RGSL1: variants seen among roughly 807,000 people sequenced by gnomAD.
The protein encoded by RGSL1 is regulator of G protein signaling protein-like.
RGSL1 carries 97 observed loss-of-function variants against 124.7 expected under a neutral mutation model. That is an observed-to-expected ratio of 0.78 (90% CI 0.66 to 0.92). The LOEUF (loss-of-function observed/expected upper bound fraction) is 0.92. Among genes scored for constraint, RGSL1 ranks in the 40% least tolerant of loss-of-function variants. The pLI, the probability that RGSL1 is intolerant of heterozygous loss-of-function variation, is 0.00. For synonymous variants in RGSL1, 424 were observed against 438.1 expected (o/e 0.97, Z 0.40); for missense variants, 1,233 against 1,288.4 (o/e 0.96, Z 0.66).
chr1:182,450,429 G>A, intron 1 of RGSL1: 1 of 561,514 alleles, frequency 1.8e-6, no homozygotes. Context: ...GTAAAATGTG[G>A]ATTGGGCCAC....
At chr1:182,504,062 C>T (rs941954359) in intron 9 of RGSL1, among the ~76,000 whole-genome samples, 1 of 147,518 alleles carries the variant, frequency 6.8e-6, no homozygotes, top group Non-Finnish European at 1.5e-5. Context: ...CTCACTGCAA[C>T]CTCTGCCTCC....
chr1:182,460,581 T>C lies in RGSL1; in HGVS notation c.301+448T>C, dbSNP rs1221123834. 6 of 450,980 alleles carry C rather than the reference T, an allele frequency of 1.3e-5. No individual in the cohort carries two copies. In the East Asian group the frequency reaches 4.2e-4, roughly 31 times the overall value. 27.9% of individuals were successfully genotyped at this position (450,980 alleles called of 1,614,324 possible). A position where few individuals can be genotyped will look rare whatever the true frequency, so the allele number is the denominator to read the frequency against. On this transcript the variant is annotated intron_variant, in intron 4 of 21. Transcript: ENST00000294854. ...CTTACCTAGTTAATGAAATCATCTC[T>C]TAATTTGTCTCTTTGCTTTTGCTCT...
chr1:182,496,769 A>G (rs1263641665), intron 9 of RGSL1, among the ~76,000 whole-genome samples: 2 of 152,230 alleles, frequency 1.3e-5, no homozygotes, highest in African/African-American at 4.8e-5. Flanking sequence ...TCTAAAACAT[A>G]AAGAAGTCTA....
chr1:182,543,119 G>C (rs893118311), intron 15 of RGSL1, among the ~76,000 whole-genome samples: 2 of 152,058 alleles, frequency 1.3e-5, no homozygotes, highest in Non-Finnish European at 2.9e-5. Context: ...GGGCATCCTT[G>C]ACTTCTTCCA....
intron 1 of RGSL1, among the ~76,000 whole-genome samples, chr1:182,451,485 C>T (rs142655871): frequency 8.2e-4 from 94 of 115,292 alleles, no homozygotes; most frequent in African/African-American, 2.4e-3. Context: ...GCTGACTGTG[C>T]TTAAGAAAAC....
chr1:182,513,529 G>C (rs1469585232), intron 9 of RGSL1, among the ~76,000 whole-genome samples: 2 of 152,204 alleles, frequency 1.3e-5, no homozygotes, highest in African/African-American at 4.8e-5. Flanking sequence ...CCTTGTATGG[G>C]AGCAGTTAAA....
intron 2 of RGSL1, 47 bp downstream of exon 2, chr1:182,454,087 T>C: frequency 9.0e-7 from 1 of 1,109,746 alleles, no homozygotes; most frequent in Non-Finnish European, 1.3e-6. Flanking sequence ...AGCAGCTGAA[T>C]AGTGAATCTC....
At chr1:182,553,905 C>T (rs955058352) in intron 19 of RGSL1, among the ~76,000 whole-genome samples, 2 of 152,138 alleles carry the variant, frequency 1.3e-5, no homozygotes, top group African/African-American at 4.8e-5. Context: ...GTTACTTCCC[C>T]CTCACACTGA....
At position 182,460,946 on chromosome 1, in the gene RGSL1, G is replaced by T. The variant is rs983503874; in HGVS notation, c.301+813G>T. Among the ~76,000 whole-genome samples, 5 of 152,098 alleles carry T rather than the reference G, an allele frequency of 3.3e-5. 1 individual carries two copies. Among genetic ancestry groups the T allele is most frequent in the Admixed American group, 6.6e-5 (1 of 15,264 alleles). ...GGGCAGCTTACAGGAGCCAGGGTGG[G>T]CAAAAAGAATCTTGTCTTCCAAATA... is the stretch of plus-strand genomic sequence containing the variant. On this transcript the variant is annotated intron_variant, in intron 4 of 21. Transcript: ENST00000294854.
At chr1:182,452,689 G>A (rs912889081) in intron 1 of RGSL1, among the ~76,000 whole-genome samples, 3 of 152,166 alleles carry the variant, frequency 2.0e-5, no homozygotes, top group Admixed American at 1.3e-4. Flanking sequence ...CTGGCCTCAA[G>A]CAATCCACCA....
chr1:182,461,196 T>C (rs1383674350), intron 4 of RGSL1, among the ~76,000 whole-genome samples: 1 of 151,766 alleles, frequency 6.6e-6, no homozygotes, highest in Non-Finnish European at 1.5e-5. Flanking sequence ...AACAACTGCA[T>C]ATATGGAGAA....
intron 1 of RGSL1, among the ~76,000 whole-genome samples, chr1:182,451,672 T>C (rs1027976137): frequency 5.9e-5 from 6 of 102,306 alleles, no homozygotes; most frequent in Admixed American, 9.5e-5. Context: ...AAGCCTCAGA[T>C]ACTATACTAG....
In RGSL1 at chr1:182,472,532, G is replaced by T. The variant is rs775011448; in HGVS notation, c.438G>T (p.Val146=). Reference sequence around the variant, plus strand: ...CTCATCTGCAGGAGGGCTCCAGGGTGGTAACCCTCTGTAACATGAACATCA... The same window carrying T: ...CTCATCTGCAGGAGGGCTCCAGGGTTGTAACCCTCTGTAACATGAACATCA... The part of the protein sequence containing the change: ...RATHLQEGSR[V]VTLCNMNIKS... Residue 146 remains valine (V), a synonymous_variant, in exon 5 of 22, where the codon GTG becomes GTT. Coordinates refer to ENST00000294854, the MANE Select transcript of RGSL1 (RefSeq NM_001137669.2). The T allele has an allele frequency of 3.2e-6, 5 of 1,541,742 alleles. No homozygotes were observed. Among genetic ancestry groups the T allele is most frequent in the Non-Finnish European group, 4.4e-6 (5 of 1,140,702 alleles).
intron 6 of RGSL1, among the ~76,000 whole-genome samples, chr1:182,486,494 C>T (rs1362353489): frequency 1.3e-5 from 2 of 151,616 alleles, no homozygotes; most frequent in Non-Finnish European, 2.9e-5. Flanking sequence ...GTGCACGCCA[C>T]CATGCCCAGT....
intron 9 of RGSL1, among the ~76,000 whole-genome samples, chr1:182,511,326 G>T (rs547768342): frequency 2.0e-5 from 3 of 152,012 alleles, no homozygotes; most frequent in South Asian, 4.2e-4. Context: ...CACCATGCCC[G>T]GCTAATTTTG....
Position 182,474,580 on chromosome 1 carries a change from A to G in RGSL1, c.1431+38A>G, listed in dbSNP as rs572116520. ...TCACAGAAATAAGTTATATCTGGCA[A>G]ATTAGGTCAAAACTGACTAAAAATC... On this transcript the variant is annotated intron_variant, in intron 6 of 21. Coordinates refer to ENST00000294854, the MANE Select transcript of RGSL1 (RefSeq NM_001137669.2). 5 of 1,497,924 alleles carry G rather than the reference A, an allele frequency of 3.3e-6. No individual in the cohort carries two copies. In the East Asian group the frequency reaches 1.2e-4, roughly 37 times the overall value. The allele number at this position is 1,497,924 out of a possible 1,614,324, so 92.8% of individuals were successfully genotyped here.
intron 4 of RGSL1, chr1:182,460,801 T>TG: frequency 2.2e-6 from 1 of 445,220 alleles, no homozygotes; most frequent in Non-Finnish European, 4.5e-6. Flanking sequence ...TTGCAATGTT[T>TG]GGGGGGAAAC....
intron 6 of RGSL1, among the ~76,000 whole-genome samples, chr1:182,480,303 T>G (rs1450124806): frequency 6.6e-6 from 1 of 152,130 alleles, no homozygotes; most frequent in African/African-American, 2.4e-5. Flanking sequence ...TGGTGGCACA[T>G]GTTTGTAGTC....
At position 182,534,071 on chromosome 1, in the gene RGSL1, T is replaced by C. The variant is rs561494574; in HGVS notation, c.2494+1280T>C. On this transcript the variant is annotated intron_variant, in intron 14 of 21. Transcript: ENST00000294854. ...CGGTGACAAATCATGACTCTCTTGA[T>C]GACATTTGGGTTGTTCCAACTTTCA... is the stretch of plus-strand genomic sequence containing the variant. 2.0e-5 allele frequency among the ~76,000 whole-genome samples: 3 copies of C among 152,340 alleles called. No individual in the cohort carries two copies. The South Asian group carries it at 6.2e-4, about 32-fold the overall frequency.
Sources: gnomAD v4.1 joint callset for allele counts (sites outside exome capture counted in the v4.1 genomes callset) on GRCh38, gnomAD v4.1.1 for gene constraint, MANE v1.5 for transcripts, NCBI Gene and HGNC (gene_info 2026-07-23, HGNC 2026-07-21) for gene names.